The following ADAMTS13 variants were observed in gnomAD, a reference collection of about 807,000 sequenced individuals.
The protein encoded by ADAMTS13 is ADAM metallopeptidase with thrombospondin type 1 motif 13.
Under a neutral mutation model 155.1 loss-of-function variants are expected in ADAMTS13, and 110 were observed. That is an observed-to-expected ratio of 0.71 (90% CI 0.61 to 0.83). The LOEUF (loss-of-function observed/expected upper bound fraction) is 0.83, where lower values mean the gene tolerates loss of function less well. ADAMTS13 is among the 40% of genes least tolerant of loss of function. ADAMTS13 has a pLI of 0.00. For synonymous variants in ADAMTS13, 758 were observed against 756.4 expected (o/e 1.00, Z -0.03); for missense variants, 1,707 against 1,891.7 (o/e 0.90, Z 1.81).
In ADAMTS13 at chr9:133,425,841, G is replaced by T; in HGVS notation, c.415-97G>T. On this transcript the variant is annotated intron_variant, in intron 4 of 28. Coordinates refer to ENST00000355699, the MANE Select transcript of ADAMTS13 (RefSeq NM_139027.6). The surrounding 1 kb of genome is among the most constrained non-coding windows in gnomAD (Gnocchi z 4.6). Reference sequence around the variant, plus strand: ...TCATCCCTAACACGGGCTAGTCATAGGGTTGTTAGGAGGACTAACTGGGAA... The same window carrying T: ...TCATCCCTAACACGGGCTAGTCATATGGTTGTTAGGAGGACTAACTGGGAA... 1 of 1,567,108 alleles carries T rather than the reference G, an allele frequency of 6.4e-7. No individual in the cohort carries two copies.
At chr9:133,429,583 A>C in intron 7 of ADAMTS13, 3 of 163,180 alleles carry the variant, frequency 1.8e-5, no homozygotes, top group Non-Finnish European at 3.6e-5. Context: ...TCCACTCTCC[A>C]CGCTCCATCA....
At chr9:133,448,072 C>A (rs936516991) in intron 21 of ADAMTS13, among the ~76,000 whole-genome samples, 5 of 151,368 alleles carry the variant, frequency 3.3e-5, no homozygotes, top group Non-Finnish European at 7.4e-5. Context: ...CTCACTGCAA[C>A]CTCTGCCTCC....
intron 2 of ADAMTS13, 106 bp downstream of exon 2, chr9:133,423,273 G>GA: frequency 9.6e-7 from 1 of 1,043,398 alleles, no homozygotes; most frequent in Non-Finnish European, 1.5e-6. Context: ...TCTGGAAGGA[G>GA]AAGGTCAGAG....
Position 133,437,822 on chromosome 9 carries a change from C to T in ADAMTS13, c.1509C>T (p.Leu503=), listed in dbSNP as rs782671668. The T allele has an allele frequency of 9.9e-6, 16 of 1,613,854 alleles. No individual in the cohort carries two copies. The highest frequency in any genetic ancestry group is 1.6e-4 in the Middle Eastern group (1 of 6,084). Residue 503 remains leucine (L), a synonymous_variant, in exon 13 of 29, where the codon CTC becomes CTT. Coordinates refer to ENST00000355699, the MANE Select transcript of ADAMTS13 (RefSeq NM_139027.6). The part of the protein sequence containing the change: ...SFIMKRGDSF[L]DGTRCMPSGP... ...TCATGAAGCGTGGAGACAGCTTCCT[C>T]GATGGGACCCGGTGTATGCCAAGTG...
rs374154360 is a variant in ADAMTS13 at position 133,458,020 on chromosome 9, G to A, written c.3835G>A (p.Ala1279Thr). 15 of 1,613,288 alleles carry A rather than the reference G, an allele frequency of 9.3e-6. 1 individual carries two copies. The Middle Eastern group carries it at 4.9e-4, about 53-fold the overall frequency. The change falls in exon 28 of 29, where the codon GCA (alanine) becomes ACA (threonine). Residue 1279 changes from alanine to threonine, a missense_variant. By Grantham distance (58) the Ala-to-Thr change is moderately conservative (BLOSUM62 0). Transcript: ENST00000355699. ...GCTCTTCATTAATGTGGCTCCGCAC[G>A]CACGGATTGCCATCCATGCCCTGGC... ...CRLFINVAPH[A>T]RIAIHALATN...
At chr9:133,438,975 T>A (rs1841462282) in intron 14 of ADAMTS13, among the ~76,000 whole-genome samples, 1 of 151,302 alleles carries the variant, frequency 6.6e-6, no homozygotes, top group African/African-American at 2.4e-5. Flanking sequence ...TCTCTCCTGC[T>A]CAAGAAATCC....
At chr9:133,449,253 C>A (rs35648884) in intron 22 of ADAMTS13, among the ~76,000 whole-genome samples, 4,957 of 152,164 alleles carry the variant, frequency 0.033, 105 homozygotes, top group Middle Eastern at 0.055. Context: ...TTATGGAGCA[C>A]CTAGGCCCCG....
In ADAMTS13 at chr9:133,429,977, C is replaced by A. The variant is rs1429373014; in HGVS notation, c.863C>A (p.Pro288His). 1 of 1,548,258 alleles carries A rather than the reference C, an allele frequency of 6.5e-7. No individual in the cohort carries two copies. Among genetic ancestry groups the A allele is most frequent in the East Asian group, 2.4e-5 (1 of 41,712 alleles). The change falls in exon 8 of 29, where the codon CCT becomes CAT. Residue 288 changes from proline (P) to histidine (H), a missense_variant. Around this residue, in one of 3 missense-constraint regions of ADAMTS13, gnomAD observed 733 missense variants for 749.6 expected, o/e 0.98. Coordinates refer to ENST00000355699, the MANE Select transcript of ADAMTS13 (RefSeq NM_139027.6). ...RARCVWDPPR[P>H]QPGSAGHPPD... ...CGCTGCGTGTGGGACCCGCCGCGGC[C>A]TCAACCCGGGTCCGCGGGGCACCCG...
upstream of ADAMTS13, among the ~76,000 whole-genome samples, chr9:133,421,276 C>A (rs1839943657): frequency 6.6e-6 from 1 of 152,118 alleles, no homozygotes. Context: ...AAAAAACAAA[C>A]AAAAACCAAA....
At chr9:133,422,287 C>A (rs1444558332), upstream of ADAMTS13, 2 of 721,602 alleles carry the variant, frequency 2.8e-6, no homozygotes, top group Non-Finnish European at 4.7e-6. Context: ...CCACCCTAGC[C>A]ACGGCCCCTG....
At chr9:133,417,943 A>G (rs959627585), upstream of ADAMTS13, 2 of 1,137,254 alleles carry the variant, frequency 1.8e-6, no homozygotes, top group Admixed American at 5.4e-5. Flanking sequence ...GGCCAGGCCG[A>G]AACACACCCA....
At chr9:133,422,612 T>C in intron 1 of ADAMTS13, 64 bp downstream of exon 1, 1 of 1,548,860 alleles carries the variant, frequency 6.5e-7, no homozygotes, top group Non-Finnish European at 8.9e-7. Flanking sequence ...CTGAGCTACC[T>C]GGGGCGAGGG....
rs111504376 is a variant in ADAMTS13 at position 133,435,145 on chromosome 9, G to A, written c.1308+1441G>A. On this transcript the variant is annotated intron_variant, in intron 11 of 28. Transcript: ENST00000355699. The stretch of plus-strand genomic sequence containing the variant: ...TTCTTTTGGCAGTATGCTGAAGAGC[G>A]GAGTTACTGGATCGTATGGGAATTG... Among the ~76,000 whole-genome samples the A allele has an allele frequency of 2.6e-5, 4 of 152,130 alleles. 1 individual carries two copies. Among genetic ancestry groups the A allele is most frequent in the East Asian group, 1.9e-4 (1 of 5,192 alleles).
intron 8 of ADAMTS13, among the ~76,000 whole-genome samples, chr9:133,431,708 G>A (rs1448032384): frequency 6.6e-6 from 1 of 152,108 alleles, no homozygotes; most frequent in Non-Finnish European, 1.5e-5. Flanking sequence ...AGGCTGGAAT[G>A]CAGTGGCTCA....
chr9:133,455,151 T>C lies in ADAMTS13; in HGVS notation c.3250-134T>C, dbSNP rs587671406. ...CTCTCTGAGCCTCAGTTTTCTCATC[T>C]GTGGAATGGAGACACTTAACTGCCT... On this transcript the variant is annotated intron_variant, in intron 24 of 28. Coordinates refer to ENST00000355699, the MANE Select transcript of ADAMTS13 (RefSeq NM_139027.6). 9.2e-5 allele frequency: 91 copies of C among 985,300 alleles called. No individual in the cohort carries two copies. The South Asian group carries it at 1.3e-3, about 14-fold the overall frequency. 61.0% of individuals were successfully genotyped at this position (985,300 alleles called of 1,614,324 possible).
In ADAMTS13 at chr9:133,422,481, T is replaced by G; in HGVS notation, c.38T>G (p.Leu13Arg). 1 of 1,614,028 alleles carries G rather than the reference T, an allele frequency of 6.2e-7. No individual in the cohort carries two copies. Among genetic ancestry groups the G allele is most frequent in the Non-Finnish European group, 8.5e-7 (1 of 1,180,020 alleles). The part of the protein sequence containing the change: ...QRHPRARCPP[L>R]CVAGILACGF... ...CACCCCCGGGCAAGATGCCCTCCCCTCTGTGTGGCCGGAATCCTTGCCTGT... is the reference window on the plus strand; with the variant it reads ...CACCCCCGGGCAAGATGCCCTCCCCGCTGTGTGGCCGGAATCCTTGCCTGT... The change falls in exon 1 of 29, where the codon CTC becomes CGC. Residue 13 changes from leucine (L) to arginine (R), a missense_variant. Physicochemically the swap from Leu to Arg is moderately radical, Grantham distance 102 (BLOSUM62 -2). Transcript: ENST00000355699.
Position 133,433,407 on chromosome 9 carries a change from G to C in ADAMTS13, c.1122G>C (p.Leu374=), listed in dbSNP as rs1554788063. 1.2e-6 allele frequency: 2 copies of C among 1,613,130 alleles called. No individual in the cohort carries two copies. Among genetic ancestry groups the C allele is most frequent in the South Asian group, 2.2e-5 (2 of 91,080 alleles). The change falls in exon 10 of 29, where the codon CTG becomes CTC. Residue 374 remains leucine, a synonymous_variant. Coordinates refer to ENST00000355699, the MANE Select transcript of ADAMTS13 (RefSeq NM_139027.6). ...GCTCCAAGGGTCGCTGCCGCTCCCT[G>C]GTGGAGCTGACCCCCATAGCAGCAG... ...KWCSKGRCRS[L]VELTPIAAVH... is the part of the protein sequence containing the mutation.
At chr9:133,431,612 CA>C (rs1840772274) in intron 8 of ADAMTS13, among the ~76,000 whole-genome samples, 1 of 151,892 alleles carries the variant, frequency 6.6e-6, no homozygotes, top group Admixed American at 6.6e-5. Flanking sequence ...CAGGATAAGC[CA>C]CCACACCCAG....
intron 8 of ADAMTS13, chr9:133,430,324 T>G: frequency 1.4e-6 from 1 of 692,888 alleles, no homozygotes; most frequent in South Asian, 1.6e-5. Flanking sequence ...CCACAAATTA[T>G]GTAGCTAGTC....
Sources: gnomAD v4.1 joint callset for allele counts (sites outside exome capture counted in the v4.1 genomes callset) on GRCh38, gnomAD v4.1.1 for gene constraint, gnomAD v4.1.1 regional missense constraint, Gnocchi (gnomAD v3.1) non-coding constraint, MANE v1.5 for transcripts, NCBI Gene and HGNC (gene_info 2026-07-23, HGNC 2026-07-21) for gene names.